Variants in ARL9 observed in about 807,000 individuals in gnomAD.
ARL9 encodes the protein ARF like GTPase 9.
Under a neutral mutation model 27.0 loss-of-function variants are expected in ARL9, and 14 were observed. The ratio of observed to expected loss-of-function variants is 0.52; its 90% confidence interval spans 0.34 to 0.81. ARL9 has a LOEUF of 0.81. Ranked by LOEUF, ARL9 falls within the 30% of genes least tolerant of loss-of-function variation. The pLI, the probability that ARL9 is intolerant of heterozygous loss-of-function variation, is 0.01. For synonymous variants in ARL9, 106 were observed against 108.7 expected, an observed-to-expected ratio of 0.98 and a Z score of 0.15; for missense variants, 294 against 290.0, an observed-to-expected ratio of 1.01 and a Z score of -0.10.
chr4:56,507,154 A>C (rs1335754358), intron 1 of ARL9, among the ~76,000 whole-genome samples: 8 of 152,082 alleles, frequency 5.3e-5, no homozygotes, highest in African/African-American at 1.9e-4. Flanking sequence ...CTAAAGGAAT[A>C]ACTTTTGACA....
intron 2 of ARL9, among the ~76,000 whole-genome samples, chr4:56,514,100 G>A (rs1721712191): frequency 6.6e-6 from 1 of 152,190 alleles, no homozygotes; most frequent in Non-Finnish European, 1.5e-5. Flanking sequence ...GCGCCCAGAA[G>A]GCAGAAGTTG....
At position 56,509,456 on chromosome 4, in the gene ARL9, T is replaced by G. The variant is rs184500379; in HGVS notation, c.280-1729T>G. Among the ~76,000 whole-genome samples, 374 of 152,132 alleles carry G rather than the reference T, an allele frequency of 2.5e-3. 3 individuals carry two copies. The highest frequency in any genetic ancestry group is 8.6e-3 in the African/African-American group (355 of 41,516). On this transcript the variant is annotated intron_variant, in intron 1 of 3. Coordinates refer to ENST00000640821, the MANE Select transcript of ARL9 (RefSeq NM_001363794.2). ...CTCAAGCGATCCACCAGCGTCAGCCTCCTCAAGTGCTGGGATTACAGATGA... is the reference window on the plus strand; with the variant it reads ...CTCAAGCGATCCACCAGCGTCAGCCGCCTCAAGTGCTGGGATTACAGATGA...
chr4:56,521,993 CTT>C (rs111319999), intron 3 of ARL9, among the ~76,000 whole-genome samples: 5 of 143,630 alleles, frequency 3.5e-5, no homozygotes, highest in African/African-American at 2.5e-5. Context: ...CTTTTCTTTT[CTT>C]TTTTTTTTTT....
intron 1 of ARL9, among the ~76,000 whole-genome samples, chr4:56,509,864 C>T (rs372000287): frequency 1.4e-4 from 22 of 151,908 alleles, no homozygotes; most frequent in African/African-American, 5.1e-4. Flanking sequence ...CCTGCCACCA[C>T]GCCTGGCTAA....
chr4:56,519,859 T>A (rs1344226213), intron 3 of ARL9, among the ~76,000 whole-genome samples: 4 of 148,042 alleles, frequency 2.7e-5, no homozygotes, highest in Non-Finnish European at 4.5e-5. Context: ...GCAAAGGGAT[T>A]TTTTTTTTTT....
At chr4:56,520,594 T>A (rs762896077) in intron 3 of ARL9, among the ~76,000 whole-genome samples, 16 of 152,164 alleles carry the variant, frequency 1.1e-4, no homozygotes, top group Admixed American at 1.3e-4. Flanking sequence ...GATAGTTGTA[T>A]AACAATGTAA....
chr4:56,505,869 AGG>A lies in ARL9; in HGVS notation c.11_12del (p.Gly4GlufsTer21). The stretch of plus-strand genomic sequence containing the variant: ...GGAAACCGCGGCGCTGGGGATGGAG[AGG>A]GGGAAAGTGAAGAAGAAAGAGAAGG... MERGKVKKKEKEK... is the reference protein window; with the variant it reads MEXGKVKKKEKEK... On this transcript the variant is annotated frameshift_variant, in exon 1 of 4. Coordinates refer to ENST00000640821, the MANE Select transcript of ARL9 (RefSeq NM_001363794.2). LOFTEE classifies it high-confidence loss of function. 2 of 1,269,906 alleles carry A rather than the reference AGG, an allele frequency of 1.6e-6. No individual in the cohort carries two copies. Among genetic ancestry groups the A allele is most frequent in the Non-Finnish European group, 9.9e-7 (1 of 1,009,826 alleles). The allele number at this position is 1,269,906 out of a possible 1,614,324, so 78.7% of individuals were successfully genotyped here. A position where few individuals can be genotyped will look rare whatever the true frequency, so the allele number is the denominator to read the frequency against.
At chr4:56,516,584 CAAAA>C (rs10718013) in intron 2 of ARL9, among the ~76,000 whole-genome samples, 9 of 120,840 alleles carry the variant, frequency 7.4e-5, no homozygotes, top group African/African-American at 1.5e-4. Context: ...TCAAATTAGG[CAAAA>C]AAAAAAAAAA....
At chr4:56,506,541 C>A in intron 1 of ARL9, 1 of 850,818 alleles carries the variant, frequency 1.2e-6, no homozygotes, top group Non-Finnish European at 1.4e-6. Context: ...GCCCTCTTTG[C>A]ATTGAATGCG....
At chr4:56,518,540 G>C in intron 2 of ARL9, 138 bp from the exon 3 acceptor site, 1 of 724,882 alleles carries the variant, frequency 1.4e-6, no homozygotes, top group Non-Finnish European at 2.3e-6. Context: ...CTGAGGACTG[G>C]GTACACTCTA....
In ARL9 at chr4:56,511,346, G is replaced by C; in HGVS notation, c.441G>C (p.Glu147Asp). 6.2e-7 allele frequency: 1 copy of C among 1,611,418 alleles called. No individual in the cohort carries two copies. Among genetic ancestry groups the C allele is most frequent in the East Asian group, 2.2e-5 (1 of 44,864 alleles). ...AAGACAGCCAGATGGAGTTCCTGGA[G>C]AGTAAGCTCTCTGTTCCTTAGTTAT... ...NTEDSQMEFL[E>D]IGGSKPFRSY... Residue 147 changes from glutamate (E) to aspartate (D), a missense_variant and splice_region_variant, in exon 2 of 4, where the codon GAG becomes GAC. Physicochemically the swap from Glu to Asp is conservative, Grantham distance 45 (BLOSUM62 2). Coordinates refer to ENST00000640821, the MANE Select transcript of ARL9 (RefSeq NM_001363794.2).
At position 56,516,584 on chromosome 4, in the gene ARL9, CAAAAAAAA is replaced by C. The variant is rs10718013; in HGVS notation, c.443-2083_443-2076del. Among the ~76,000 whole-genome samples the C allele has an allele frequency of 2.8e-3, 344 of 120,874 alleles. 5 individuals carry two copies. The highest frequency in any genetic ancestry group is 9.6e-3 in the African/African-American group (325 of 33,774). 79.3% of individuals were successfully genotyped at this position (120,874 alleles called of 152,430 possible). The stretch of plus-strand genomic sequence containing the variant: ...ATCAGTAAGTAGAATTCAAATTAGG[CAAAAAAAA>C]AAAAAAAAAAGAAAAAGAAAAAGAA... On this transcript the variant is annotated intron_variant, in intron 2 of 3. Transcript: ENST00000640821.
At position 56,511,295 on chromosome 4, in the gene ARL9, T is replaced by G; in HGVS notation, c.390T>G (p.Gly130=). 6.2e-7 allele frequency: 1 copy of G among 1,613,856 alleles called. No homozygotes were observed. The highest frequency in any genetic ancestry group is 8.5e-7 in the Non-Finnish European group (1 of 1,179,796). The change falls in exon 2 of 4, where the codon GGT becomes GGG. Residue 130 remains glycine (G), a synonymous_variant. Transcript: ENST00000640821. ...RVQHSVAPTQ[G]FHAVCINTED... ...AGCACAGTGTGGCACCCACCCAAGG[T>G]TTCCATGCAGTTTGCATCAACACTG...
At chr4:56,514,808 G>GTCAC (rs1721727565) in intron 2 of ARL9, among the ~76,000 whole-genome samples, 1 of 152,128 alleles carries the variant, frequency 6.6e-6, no homozygotes, top group Non-Finnish European at 1.5e-5. Flanking sequence ...ACGGTATGAG[G>GTCAC]TCACTGTATA....
chr4:56,518,824 C>T lies in ARL9; in HGVS notation c.589C>T (p.Leu197Phe), dbSNP rs1242364792. The T allele has an allele frequency of 1.2e-6, 2 of 1,613,816 alleles. No individual in the cohort carries two copies. Among genetic ancestry groups the T allele is most frequent in the African/African-American group, 2.7e-5 (2 of 74,922 alleles). Residue 197 changes from leucine (L) to phenylalanine (F), a missense_variant, in exon 3 of 4, where the codon CTT becomes TTT. Transcript: ENST00000640821. The stretch of plus-strand genomic sequence containing the variant: ...TCAGCTAATTGCAGCAAACCCAGTA[C>T]TTCCTCTGGTTGTGTTTGCAAACAA... ...LHQLIAANPV[L>F]PLVVFANKQD... is the part of the protein sequence containing the mutation.
Position 56,511,314 on chromosome 4 carries a change from A to C in ARL9, c.409A>C (p.Asn137His). Reference sequence around the variant, plus strand: ...CCAAGGTTTCCATGCAGTTTGCATCAACACTGAAGACAGCCAGATGGAGTT... The same window carrying C: ...CCAAGGTTTCCATGCAGTTTGCATCCACACTGAAGACAGCCAGATGGAGTT... The part of the protein sequence containing the change: ...PTQGFHAVCI[N>H]TEDSQMEFLE... Residue 137 changes from asparagine to histidine, a missense_variant, in exon 2 of 4, where the codon AAC (asparagine) becomes CAC (histidine). Asn to His is a moderately conservative substitution (Grantham distance 68). Transcript: ENST00000640821. The C allele has an allele frequency of 6.2e-7, 1 of 1,613,742 alleles. No individual in the cohort carries two copies. The highest frequency in any genetic ancestry group is 1.1e-5 in the South Asian group (1 of 91,010).
Position 56,506,091 on chromosome 4 carries a change from A to G in ARL9, c.229A>G (p.Lys77Glu). Residue 77 changes from lysine (K) to glutamate (E), a missense_variant, in exon 1 of 4, where the codon AAA (lysine) becomes GAA (glutamate). Coordinates refer to ENST00000640821, the MANE Select transcript of ARL9 (RefSeq NM_001363794.2). Reference sequence around the variant, plus strand: ...GGAACAATTTAAGGGACAAGAAGAGAAAGGGGAGAACAAGGACAGCACCTT... The same window carrying G: ...GGAACAATTTAAGGGACAAGAAGAGGAAGGGGAGAACAAGGACAGCACCTT... ...EKEQFKGQEE[K>E]GENKDSTLTR... The G allele has an allele frequency of 8.1e-7, 1 of 1,234,286 alleles. No homozygotes were observed. The highest frequency in any genetic ancestry group is 3.2e-5 in the East Asian group (1 of 31,712). 76.5% of individuals were successfully genotyped at this position (1,234,286 alleles called of 1,614,324 possible).
Position 56,524,113 on chromosome 4 carries a change from A to G in ARL9, c.*237A>G. The stretch of plus-strand genomic sequence containing the variant: ...CTGAAGAATAATAACACAACAATAA[A>G]AATAATACACATTTTAAAATACAAT... On this transcript the variant is annotated 3_prime_UTR_variant, in exon 4 of 4. Coordinates refer to ENST00000640821, the MANE Select transcript of ARL9 (RefSeq NM_001363794.2). 1 of 417,346 alleles carries G rather than the reference A, an allele frequency of 2.4e-6. No homozygotes were observed. The highest frequency in any genetic ancestry group is 3.6e-5 in the East Asian group (1 of 27,904). The allele number at this position is 417,346 out of a possible 1,614,324, so 25.9% of individuals were successfully genotyped here. A position where few individuals can be genotyped will look rare whatever the true frequency, so the allele number is the denominator to read the frequency against.
Position 56,506,053 on chromosome 4 carries a change from CAAACAA to C in ARL9, c.193_198del (p.Asn65_Lys66del), listed in dbSNP as rs1361210260. 1 of 1,227,254 alleles carries C rather than the reference CAAACAA, an allele frequency of 8.1e-7. No individual in the cohort carries two copies. 76.0% of individuals were successfully genotyped at this position (1,227,254 alleles called of 1,614,324 possible). On this transcript the variant is annotated inframe_deletion, in exon 1 of 4. Coordinates refer to ENST00000640821, the MANE Select transcript of ARL9 (RefSeq NM_001363794.2). ...AAGAGGACAAAGCAAGGGAAGGAGA[CAAACAA>C]AGAGAAGGAACAATTTAAGGGACAA... is the stretch of plus-strand genomic sequence containing the variant.
Sources: allele counts gnomAD v4.1 joint callset (sites outside exome capture counted in the v4.1 genomes callset), GRCh38; gene constraint gnomAD v4.1.1; transcripts MANE v1.5; gene names NCBI Gene and HGNC (gene_info 2026-07-23, HGNC 2026-07-21).